ERBB4: variants seen among roughly 807,000 people sequenced by gnomAD.
The protein encoded by ERBB4 is erb-b2 receptor tyrosine kinase 4.
A neutral mutation model predicts 158.0 loss-of-function variants in ERBB4; 42 were observed. The observed-to-expected ratio is 0.27, with a 90% CI of 0.21 to 0.34. The LOEUF is 0.34. ERBB4 is among the 10% of genes least tolerant of loss of function. ERBB4 has a pLI of 1.00. For missense variants in ERBB4, 1,333 were observed against 1,624.1 expected (o/e 0.82, Z 3.08); for synonymous variants, 583 against 558.7 (o/e 1.04, Z -0.61).
rs80294581 is a variant in ERBB4, at chr2:212,439,410, A to G, written c.82+99039T>C. 9.4e-3 allele frequency among the ~76,000 whole-genome samples: 1,429 copies of G among 152,240 alleles called. 20 individuals carry two copies. The highest frequency in any genetic ancestry group is 0.032 in the African/African-American group (1,348 of 41,550). On this transcript the variant is annotated intron_variant, in intron 1 of 27. Transcript: ENST00000342788. ...TGATCTTTAATACACAAATTCAGCTATGACAAATGTACCGTCTCCAAACTT... is the reference window on the plus strand; with the variant it reads ...TGATCTTTAATACACAAATTCAGCTGTGACAAATGTACCGTCTCCAAACTT...
intron 20 of ERBB4, among the ~76,000 whole-genome samples, chr2:211,456,083 G>A (rs2064374381): frequency 6.6e-6 from 1 of 152,188 alleles, no homozygotes; most frequent in South Asian, 2.1e-4. Context: ...ATTGACTGAT[G>A]AGGAGCCTGA....
chr2:211,568,702 G>C (rs1190150363), intron 19 of ERBB4, among the ~76,000 whole-genome samples: 2 of 152,102 alleles, frequency 1.3e-5, no homozygotes, highest in African/African-American at 4.8e-5. Context: ...GAAAAGAAAA[G>C]AGACAATTAA....
chr2:212,260,060 CTCTG>C (rs1432894178), intron 1 of ERBB4, among the ~76,000 whole-genome samples: 2 of 140,992 alleles, frequency 1.4e-5, no homozygotes, highest in Non-Finnish European at 3.0e-5. Flanking sequence ...CAGAGCGAGA[CTCTG>C]TCTCAGAAAA....
chr2:211,681,109 T>C (rs556849804), intron 12 of ERBB4, among the ~76,000 whole-genome samples: 103 of 152,290 alleles, frequency 6.8e-4, no homozygotes, highest in African/African-American at 2.4e-3. Context: ...AATTATACAG[T>C]ATATTTTCTG....
At chr2:212,462,782 G>A (rs1485082187) in intron 1 of ERBB4, among the ~76,000 whole-genome samples, 2 of 152,084 alleles carry the variant, frequency 1.3e-5, no homozygotes, top group African/African-American at 2.4e-5. Context: ...AAATCAGTAA[G>A]CCAAAAACAT....
At chr2:211,912,285 C>T (rs2079559255) in intron 3 of ERBB4, among the ~76,000 whole-genome samples, 1 of 152,000 alleles carries the variant, frequency 6.6e-6, no homozygotes, top group South Asian at 2.1e-4. Context: ...AGACAAGCTT[C>T]CATTTGGAAG....
intron 3 of ERBB4, among the ~76,000 whole-genome samples, chr2:211,944,362 AT>A: frequency 6.6e-6 from 1 of 151,136 alleles, no homozygotes; most frequent in Non-Finnish European, 1.5e-5. Context: ...TAAGAAGAAA[AT>A]TCATCACGAA....
intron 2 of ERBB4, among the ~76,000 whole-genome samples, chr2:212,075,945 C>T (rs1211821343): frequency 6.6e-6 from 1 of 151,716 alleles, no homozygotes; most frequent in Non-Finnish European, 1.5e-5. Flanking sequence ...GCTTGAAATC[C>T]AGTAGTTGGA....
intron 17 of ERBB4, among the ~76,000 whole-genome samples, chr2:211,628,825 G>T (rs1438959721): frequency 6.6e-6 from 1 of 152,112 alleles, no homozygotes; most frequent in Non-Finnish European, 1.5e-5. Flanking sequence ...ATCCTCTCCA[G>T]CACCTGTTGT....
chr2:211,662,694 C>T (rs542896465), intron 15 of ERBB4, among the ~76,000 whole-genome samples: 2 of 152,064 alleles, frequency 1.3e-5, no homozygotes, highest in East Asian at 3.9e-4. Context: ...AAATAGATGA[C>T]CTATTTTAAA....
intron 1 of ERBB4, among the ~76,000 whole-genome samples, chr2:212,327,320 C>G (rs1419530102): frequency 6.6e-6 from 1 of 151,950 alleles, no homozygotes; most frequent in Non-Finnish European, 1.5e-5. Flanking sequence ...TTATGAATTA[C>G]AAAGTTAGGT....
At chr2:211,511,024 G>A (rs1214294453) in intron 20 of ERBB4, among the ~76,000 whole-genome samples, 2 of 151,802 alleles carry the variant, frequency 1.3e-5, no homozygotes, top group South Asian at 2.1e-4. Flanking sequence ...AAGGGATTAT[G>A]AAAAAACAAC....
intron 2 of ERBB4, among the ~76,000 whole-genome samples, chr2:211,997,897 T>TACAC (rs2082237097): frequency 2.3e-5 from 1 of 43,836 alleles, no homozygotes; most frequent in African/African-American, 4.5e-5. Flanking sequence ...ATTATTTTTA[T>TACAC]ACACACACAC....
chr2:211,738,330 A>C (rs2106173817), intron 5 of ERBB4, among the ~76,000 whole-genome samples: 1 of 150,638 alleles, frequency 6.6e-6, no homozygotes, highest in Admixed American at 6.6e-5. Flanking sequence ...CTTAACTATA[A>C]TGCAGTTAAA....
intron 9 of ERBB4, among the ~76,000 whole-genome samples, chr2:211,711,829 T>C (rs1157455310): frequency 6.6e-6 from 1 of 152,136 alleles, no homozygotes; most frequent in Non-Finnish European, 1.5e-5. Flanking sequence ...AAATACAAAT[T>C]TATATTTTTG....
intron 2 of ERBB4, among the ~76,000 whole-genome samples, chr2:212,088,483 G>C (rs539122838): frequency 2.0e-5 from 3 of 152,252 alleles, no homozygotes; most frequent in Non-Finnish European, 4.4e-5. Context: ...ATCACTAAAT[G>C]AAGAAAGACA....
chr2:212,271,273 T>C (rs1474429040), intron 1 of ERBB4, among the ~76,000 whole-genome samples: 2 of 151,800 alleles, frequency 1.3e-5, no homozygotes, highest in Non-Finnish European at 2.9e-5. Context: ...GGTGATCTGA[T>C]TGCTAATAAT....
intron 16 of ERBB4, among the ~76,000 whole-genome samples, chr2:211,638,758 G>T (rs1193909354): frequency 6.6e-6 from 1 of 152,102 alleles, no homozygotes; most frequent in Non-Finnish European, 1.5e-5. Context: ...GCCATTAAAT[G>T]AATATGTAAA....
At chr2:211,701,092 A>G (rs530628998) in intron 12 of ERBB4, among the ~76,000 whole-genome samples, 1 of 152,322 alleles carries the variant, frequency 6.6e-6, no homozygotes, top group Admixed American at 6.5e-5. Flanking sequence ...GCTTCAGAGT[A>G]AATAAGAAAT....
Sources: gnomAD v4.1 joint callset for allele counts (sites outside exome capture counted in the v4.1 genomes callset) on GRCh38, gnomAD v4.1.1 for gene constraint, MANE v1.5 for transcripts, NCBI Gene and HGNC (gene_info 2026-07-23, HGNC 2026-07-21) for gene names.